Variants in IFT70A observed in about 807,000 individuals in gnomAD.
IFT70A encodes the protein intraflagellar transport protein 70A.
chr2:177,616,107 CAAGAAAAGAAAT>C, the IFT70A span: 1 of 151,982 alleles, frequency 6.6e-6, no homozygotes, highest in Admixed American at 6.5e-5. Flanking sequence ...TGAAAAGAAC[CAAGAAAAGAAAT>C]TCCCATTATA....
At chr2:177,615,044 CTTCTG>C in the IFT70A span, 12 of 152,318 alleles carry the variant, frequency 7.9e-5, no homozygotes, top group East Asian at 1.9e-3. Context: ...TTATCCATTA[CTTCTG>C]TTCTGTTAAT....
chr2:177,617,013 A>G, the IFT70A span: 54 of 1,613,510 alleles, frequency 3.3e-5, no homozygotes, highest in Non-Finnish European at 4.5e-5. Flanking sequence ...CTCGAGAAAT[A>G]CCAAACTCAT....
At chr2:177,618,197 G>C in the IFT70A span, 1 of 1,614,236 alleles carries the variant, frequency 6.2e-7, no homozygotes, top group Non-Finnish European at 8.5e-7. Flanking sequence ...GCTTCATACT[G>C]TCCCTCCTTG....
chr2:177,616,305 C>T, the IFT70A span: 4 of 156,656 alleles, frequency 2.6e-5, no homozygotes, highest in Non-Finnish European at 4.2e-5. Flanking sequence ...GTGGTCCAGC[C>T]GTGGGCTAGC....
chr2:177,616,597 A>T, the IFT70A span: 1 of 1,071,218 alleles, frequency 9.3e-7, no homozygotes, highest in South Asian at 2.1e-5. Flanking sequence ...TACAAAGTGG[A>T]TAAGATTCAA....
the IFT70A span, chr2:177,615,003 A>C: frequency 6.6e-6 from 1 of 152,220 alleles, no homozygotes; most frequent in Non-Finnish European, 1.5e-5. Context: ...TAGTTATGGA[A>C]GTAGTTCTGG....
the IFT70A span, chr2:177,615,411 C>A: frequency 6.6e-6 from 1 of 152,162 alleles, no homozygotes; most frequent in Non-Finnish European, 1.5e-5. Context: ...TATACCATTT[C>A]TAAATACTTA....
At chr2:177,614,122 A>G in the IFT70A span, 1 of 152,184 alleles carries the variant, frequency 6.6e-6, no homozygotes, top group South Asian at 2.1e-4. Flanking sequence ...TAATTAAACA[A>G]CCAAAAGAAC....
chr2:177,617,006 G>A, the IFT70A span: 8 of 1,613,320 alleles, frequency 5.0e-6, no homozygotes, highest in African/African-American at 1.3e-5. Flanking sequence ...TTGATAACTC[G>A]AGAAATACCA....
At chr2:177,616,732 A>T in the IFT70A span, 1 of 1,539,784 alleles carries the variant, frequency 6.5e-7, no homozygotes, top group East Asian at 2.2e-5. Context: ...AATCTCATAA[A>T]TCAAAGCTTT....
the IFT70A span, chr2:177,617,885 T>C: frequency 6.8e-6 from 11 of 1,614,164 alleles, no homozygotes; most frequent in African/African-American, 5.3e-5. Context: ...TCGGTGAGGG[T>C]TTCTTGAGCT....
chr2:177,614,615 C>G, the IFT70A span: 1 of 152,148 alleles, frequency 6.6e-6, no homozygotes, highest in Non-Finnish European at 1.5e-5. Flanking sequence ...AGTGCTCACT[C>G]ACTTGACACT....
the IFT70A span, chr2:177,618,474 C>T: frequency 6.3e-7 from 1 of 1,591,106 alleles, no homozygotes; most frequent in Non-Finnish European, 8.6e-7. Context: ...GCTCCAGTTC[C>T]GGGTGCAGCT....
At chr2:177,617,730 G>A in the IFT70A span, 1 of 1,614,072 alleles carries the variant, frequency 6.2e-7, no homozygotes, top group Non-Finnish European at 8.5e-7. Context: ...GCAACAGGTT[G>A]CCAAAAGTCT....
the IFT70A span, chr2:177,617,659 T>A: frequency 6.2e-7 from 1 of 1,614,222 alleles, no homozygotes; most frequent in East Asian, 2.2e-5. Context: ...ATACGTCAAA[T>A]GGGCATTTTC....
chr2:177,617,827 T>C, the IFT70A span: 13 of 1,614,104 alleles, frequency 8.1e-6, no homozygotes, highest in Non-Finnish European at 1.1e-5. Flanking sequence ...TAGTGCCTGG[T>C]TGTGCAGGGT....
chr2:177,617,103 A>G, the IFT70A span: 4 of 1,612,228 alleles, frequency 2.5e-6, no homozygotes, highest in Non-Finnish European at 3.4e-6. Flanking sequence ...TTGGGTCATC[A>G]TAAGAGAGCT....
the IFT70A span, chr2:177,613,504 T>C: frequency 1.2e-4 from 19 of 152,152 alleles, no homozygotes; most frequent in African/African-American, 3.9e-4. Context: ...TAGTGTATGG[T>C]TTTGGAAAAT....
chr2:177,618,654 C>T, the IFT70A span: 7 of 1,605,840 alleles, frequency 4.4e-6, no homozygotes, highest in East Asian at 1.3e-4. Flanking sequence ...GGTACACTAG[C>T]GCGGTAAACT....
Sources: gnomAD v4.1 joint callset for allele counts on GRCh38, gnomAD v4.1.1 for gene constraint, MANE v1.5 for transcripts, NCBI Gene and HGNC (gene_info 2026-07-23, HGNC 2026-07-21) for gene names.